TMEM108: variants seen among roughly 807,000 people sequenced by gnomAD.
The protein encoded by TMEM108 is transmembrane protein 108.
A neutral mutation model predicts 35.1 loss-of-function variants in TMEM108; 12 were observed. The ratio of observed to expected loss-of-function variants is 0.34; its 90% CI spans 0.22 to 0.55. The LOEUF is 0.55. Ranked by LOEUF, TMEM108 falls within the 20% of genes least tolerant of loss-of-function variation. The pLI, the probability that TMEM108 is intolerant of heterozygous loss-of-function variation, is 0.89. For synonymous variants in TMEM108, 287 were observed against 308.6 expected, an observed-to-expected ratio of 0.93 and a Z score of 0.73; for missense variants, 680 against 753.3, an observed-to-expected ratio of 0.90 and a Z score of 1.14.
intron 2 of TMEM108, among the ~76,000 whole-genome samples, chr3:133,136,299 T>C (rs1944563731): frequency 6.6e-6 from 1 of 152,196 alleles, no homozygotes; most frequent in South Asian, 2.1e-4. Context: ...TAACCCAGAT[T>C]GTCTAAGAGC....
chr3:133,390,654 G>A (rs1398685769), intron 5 of TMEM108, among the ~76,000 whole-genome samples: 8 of 152,192 alleles, frequency 5.3e-5, no homozygotes, highest in African/African-American at 1.7e-4. Flanking sequence ...CTATGAAGAT[G>A]AGAGCTTGCT....
intron 3 of TMEM108, among the ~76,000 whole-genome samples, chr3:133,252,530 G>A (rs1260749243): frequency 6.6e-6 from 1 of 152,136 alleles, no homozygotes; most frequent in Non-Finnish European, 1.5e-5. Context: ...TTCAAGTTCT[G>A]ATCAACATTT....
chr3:133,191,014 GAAA>G (rs550640714), intron 2 of TMEM108, among the ~76,000 whole-genome samples: 5 of 98,638 alleles, frequency 5.1e-5, no homozygotes, highest in Admixed American at 1.0e-4. Context: ...TCTTAGCAAA[GAAA>G]AAAAAAGTTC....
chr3:133,320,580 G>T (rs1396392075), intron 3 of TMEM108, among the ~76,000 whole-genome samples: 2 of 152,184 alleles, frequency 1.3e-5, no homozygotes, highest in Admixed American at 6.5e-5. Flanking sequence ...AAATCTAGAA[G>T]TTTTGAAAAC....
At chr3:133,196,861 C>G (rs909647723) in intron 2 of TMEM108, among the ~76,000 whole-genome samples, 3 of 152,160 alleles carry the variant, frequency 2.0e-5, no homozygotes, top group African/African-American at 7.2e-5. Context: ...GGAGAACAGG[C>G]AAAACTTACC....
intron 2 of TMEM108, among the ~76,000 whole-genome samples, chr3:133,208,207 G>A (rs1213325780): frequency 6.6e-6 from 1 of 152,148 alleles, no homozygotes; most frequent in Non-Finnish European, 1.5e-5. Flanking sequence ...TGGGTCTGAG[G>A]TAGAACCTGA....
chr3:133,175,981 A>T (rs57007237), intron 2 of TMEM108, among the ~76,000 whole-genome samples: 10 of 152,062 alleles, frequency 6.6e-5, no homozygotes, highest in Admixed American at 4.6e-4. Context: ...AGGAAGATCT[A>T]CCAAGCAAAT....
At chr3:133,130,620 A>G (rs1026984916) in intron 2 of TMEM108, among the ~76,000 whole-genome samples, 7 of 152,188 alleles carry the variant, frequency 4.6e-5, no homozygotes, top group Admixed American at 2.0e-4. Context: ...TCACTCCACT[A>G]TGTTCTATTA....
intron 2 of TMEM108, among the ~76,000 whole-genome samples, chr3:133,049,906 C>A (rs1343018397): frequency 6.6e-6 from 1 of 152,142 alleles, no homozygotes; most frequent in Non-Finnish European, 1.5e-5. Flanking sequence ...TCAGACTTCA[C>A]CGCTGAGGAA....
At chr3:133,267,787 C>T (rs986538011) in intron 3 of TMEM108, among the ~76,000 whole-genome samples, 16 of 152,208 alleles carry the variant, frequency 1.1e-4, no homozygotes, top group Admixed American at 9.8e-4. Flanking sequence ...AGTTCTTTAC[C>T]ATGTGTGTCT....
At chr3:133,337,871 ACAAT>A (rs1469135428) in intron 3 of TMEM108, among the ~76,000 whole-genome samples, 3 of 152,202 alleles carry the variant, frequency 2.0e-5, no homozygotes, top group East Asian at 1.9e-4. Flanking sequence ...ATAATTAAAA[ACAAT>A]CAAGCAGAAA....
chr3:133,057,464 T>TAG, intron 2 of TMEM108, among the ~76,000 whole-genome samples: 1 of 44,798 alleles, frequency 2.2e-5, no homozygotes, highest in African/African-American at 6.1e-5. Flanking sequence ...TATATATATA[T>TAG]ATATATATAT....
chr3:133,166,462 G>A (rs536852955), intron 2 of TMEM108, among the ~76,000 whole-genome samples: 4 of 152,364 alleles, frequency 2.6e-5, no homozygotes, highest in South Asian at 4.1e-4. Context: ...CGCAGTGAGC[G>A]TTACAGTTCT....
intron 3 of TMEM108, among the ~76,000 whole-genome samples, chr3:133,300,787 TG>T (rs1321743009): frequency 2.0e-5 from 3 of 151,348 alleles, no homozygotes; most frequent in Non-Finnish European, 2.9e-5. Context: ...TTAAAGGAGA[TG>T]GGGGGTGGGA....
chr3:133,041,059 G>A (rs1318122836), intron 1 of TMEM108, among the ~76,000 whole-genome samples: 1 of 152,218 alleles, frequency 6.6e-6, no homozygotes, highest in Non-Finnish European at 1.5e-5. Flanking sequence ...ACAGGTGGGG[G>A]CACTGGGTGA....
chr3:133,379,070 G>T (rs979864112), intron 3 of TMEM108, among the ~76,000 whole-genome samples: 1 of 152,120 alleles, frequency 6.6e-6, no homozygotes, highest in African/African-American at 2.4e-5. Context: ...AGACATCTTT[G>T]TCTTATTTTA....
rs145341912 is a variant in TMEM108 at position 133,371,782 on chromosome 3, G to C, written c.41-7970G>C. 2.8e-3 allele frequency among the ~76,000 whole-genome samples: 424 copies of C among 152,256 alleles called. 1 individual carries two copies. Among genetic ancestry groups the C allele is most frequent in the African/African-American group, 9.7e-3 (402 of 41,540 alleles). On this transcript the variant is annotated intron_variant, in intron 3 of 5. Transcript: ENST00000321871. ...CAGCTGCCACAGATGGCTAGTAAGT[G>C]ATTTAGGAGGGTTTCTTATTCTTCA...
At chr3:133,392,416 G>A (rs1473709896) in intron 5 of TMEM108, among the ~76,000 whole-genome samples, 1 of 152,092 alleles carries the variant, frequency 6.6e-6, no homozygotes. Context: ...GCCCACCTCA[G>A]CCTCCCAAAG....
intron 2 of TMEM108, among the ~76,000 whole-genome samples, chr3:133,055,886 A>AATT (rs1434320796): frequency 2.0e-5 from 3 of 152,190 alleles, no homozygotes; most frequent in Admixed American, 2.0e-4. Context: ...TTCTGAAATT[A>AATT]ATTATTGTCA....
Sources: gnomAD v4.1 joint callset for allele counts (sites outside exome capture counted in the v4.1 genomes callset) on GRCh38, gnomAD v4.1.1 for gene constraint, MANE v1.5 for transcripts, NCBI Gene and HGNC (gene_info 2026-07-23, HGNC 2026-07-21) for gene names.